Variants in GUCY1A2 observed in about 807,000 individuals in gnomAD.
GUCY1A2 encodes the protein guanylate cyclase soluble subunit alpha-2.
GUCY1A2 carries 27 observed loss-of-function variants against 63.5 expected under a neutral mutation model. That is an observed-to-expected ratio of 0.43 (90% CI 0.31 to 0.59). The LOEUF is 0.59. GUCY1A2 is among the 20% of genes least tolerant of loss of function. The pLI is 0.11. For missense variants in GUCY1A2, 768 were observed against 913.3 expected (o/e 0.84, Z 2.05); for synonymous variants, 364 against 343.5 (o/e 1.06, Z -0.66).
At chr11:107,011,530 T>A (rs979284802) in intron 1 of GUCY1A2, among the ~76,000 whole-genome samples, 5 of 147,056 alleles carry the variant, frequency 3.4e-5, no homozygotes, top group Admixed American at 1.4e-4. Flanking sequence ...AAATATATTT[T>A]TAATATATTA....
chr11:106,875,443 A>T (rs573477952), intron 4 of GUCY1A2, among the ~76,000 whole-genome samples: 1 of 152,298 alleles, frequency 6.6e-6, no homozygotes, highest in Non-Finnish European at 1.5e-5. Flanking sequence ...AAACCAAAAG[A>T]AACAGAAATA....
intron 4 of GUCY1A2, among the ~76,000 whole-genome samples, chr11:106,845,446 A>G (rs769746106): frequency 6.6e-6 from 1 of 151,582 alleles, no homozygotes; most frequent in Non-Finnish European, 1.5e-5. Flanking sequence ...AGTGCTAGAG[A>G]CAAACATGTT....
chr11:106,889,375 A>G (rs1859944836), intron 4 of GUCY1A2, among the ~76,000 whole-genome samples: 1 of 152,222 alleles, frequency 6.6e-6, no homozygotes, highest in South Asian at 2.1e-4. Context: ...ATAAATGACC[A>G]CATAACAGAG....
At chr11:106,706,578 C>G (rs1282479291) in intron 7 of GUCY1A2, among the ~76,000 whole-genome samples, 1 of 147,156 alleles carries the variant, frequency 6.8e-6, no homozygotes, top group African/African-American at 2.5e-5. Flanking sequence ...ACTATGTAAA[C>G]AAAGCCAGCT....
At chr11:106,929,704 A>G (rs575237185) in intron 4 of GUCY1A2, among the ~76,000 whole-genome samples, 82 of 152,282 alleles carry the variant, frequency 5.4e-4, no homozygotes, top group Non-Finnish European at 9.6e-4. Flanking sequence ...AGTATTATAT[A>G]GACCTTTATT....
intron 4 of GUCY1A2, among the ~76,000 whole-genome samples, chr11:106,855,906 T>A (rs201344179): frequency 0.069 from 1,527 of 22,084 alleles, 35 homozygotes; most frequent in African/African-American, 0.15. Context: ...TATTTATTTA[T>A]TTATTTATTT....
intron 3 of GUCY1A2, among the ~76,000 whole-genome samples, chr11:106,946,447 A>C (rs1182055572): frequency 1.3e-5 from 2 of 152,208 alleles, no homozygotes; most frequent in Non-Finnish European, 2.9e-5. Flanking sequence ...AAATCATCCC[A>C]TTAAATGAGA....
intron 4 of GUCY1A2, among the ~76,000 whole-genome samples, chr11:106,920,507 G>A (rs1860428846): frequency 6.6e-6 from 1 of 152,090 alleles, no homozygotes; most frequent in South Asian, 2.1e-4. Context: ...TGGGTGGAGT[G>A]TAAATTTATT....
At chr11:106,978,367 G>A (rs574606303) in intron 3 of GUCY1A2, among the ~76,000 whole-genome samples, 1 of 152,296 alleles carries the variant, frequency 6.6e-6, no homozygotes, top group South Asian at 2.1e-4. Context: ...ATTCACATGT[G>A]AATATCTGAA....
intron 4 of GUCY1A2, among the ~76,000 whole-genome samples, chr11:106,871,160 T>C (rs933733609): frequency 6.6e-6 from 1 of 152,134 alleles, no homozygotes; most frequent in Admixed American, 6.6e-5. Context: ...TAAAATATCC[T>C]AATAATGTGA....
chr11:106,729,507 G>A (rs1029142706), intron 6 of GUCY1A2, among the ~76,000 whole-genome samples: 5 of 152,040 alleles, frequency 3.3e-5, no homozygotes, highest in Non-Finnish European at 7.4e-5. Flanking sequence ...ACTATGTCTT[G>A]CTGAGAAAAT....
intron 3 of GUCY1A2, 45 bp from the exon 4 acceptor site, chr11:106,940,223 T>G: frequency 3.5e-6 from 3 of 863,708 alleles, no homozygotes; most frequent in Non-Finnish European, 5.5e-6. Flanking sequence ...CTAATATAAA[T>G]AATTGAATTT....
chr11:106,987,559 T>C (rs1026025096), intron 1 of GUCY1A2, among the ~76,000 whole-genome samples: 3 of 148,948 alleles, frequency 2.0e-5, no homozygotes, highest in African/African-American at 5.0e-5. Context: ...GGCTGAGGCA[T>C]AAGAATTGCT....
At chr11:106,707,607 T>A (rs533835059) in intron 7 of GUCY1A2, among the ~76,000 whole-genome samples, 9 of 152,248 alleles carry the variant, frequency 5.9e-5, no homozygotes, top group African/African-American at 2.2e-4. Flanking sequence ...ATTTATTCAT[T>A]AATTTGATAA....
intron 7 of GUCY1A2, among the ~76,000 whole-genome samples, chr11:106,693,773 C>T (rs1306801830): frequency 6.6e-6 from 1 of 151,924 alleles, no homozygotes; most frequent in Non-Finnish European, 1.5e-5. Flanking sequence ...TTTTAATTTC[C>T]ACTCTTGTGG....
chr11:106,753,713 T>C (rs1863923658), intron 6 of GUCY1A2, among the ~76,000 whole-genome samples: 1 of 152,226 alleles, frequency 6.6e-6, no homozygotes, highest in African/African-American at 2.4e-5. Context: ...CATTGGTCTA[T>C]ACATCTGTTT....
rs1862386681 is a variant in GUCY1A2, at chr11:106,678,771, T to C, written c.*8778A>G. 5 of 199,032 alleles carry C rather than the reference T, an allele frequency of 2.5e-5. No homozygotes were observed. Among genetic ancestry groups the C allele is most frequent in the South Asian group, 1.9e-4 (1 of 5,236 alleles). 12.3% of individuals were successfully genotyped at this position (199,032 alleles called of 1,614,324 possible). A position where few individuals can be genotyped will look rare whatever the true frequency, so the allele number is the denominator to read the frequency against. ...CTGAAAATACAGTATTATTTGACTATTATCCTTAATGTTTATGTTATTTTA... is the reference window on the plus strand; with the variant it reads ...CTGAAAATACAGTATTATTTGACTACTATCCTTAATGTTTATGTTATTTTA... On this transcript the variant is annotated 3_prime_UTR_variant, in exon 8 of 8. Transcript: ENST00000526355.
At chr11:106,736,496 A>G (rs570013777) in intron 6 of GUCY1A2, among the ~76,000 whole-genome samples, 10 of 151,950 alleles carry the variant, frequency 6.6e-5, no homozygotes, top group Non-Finnish European at 1.5e-4. Context: ...CTATGTGTCT[A>G]TTTTTATGCC....
chr11:106,771,188 C>T (rs966293456), intron 6 of GUCY1A2, among the ~76,000 whole-genome samples: 5 of 152,096 alleles, frequency 3.3e-5, no homozygotes, highest in African/African-American at 1.2e-4. Context: ...CTTGACCCAA[C>T]TTCCCTTTCC....
Sources: allele counts gnomAD v4.1 joint callset (sites outside exome capture counted in the v4.1 genomes callset), GRCh38; gene constraint gnomAD v4.1.1; transcripts MANE v1.5; gene names NCBI Gene and HGNC (gene_info 2026-07-23, HGNC 2026-07-21).